TGFB3: variants seen among roughly 807,000 people sequenced by gnomAD.
TGFB3 encodes transforming growth factor beta 3.
TGFB3 carries 5 observed loss-of-function variants against 40.1 expected under a neutral mutation model. That is an observed-to-expected ratio of 0.12 (90% CI 0.07 to 0.26). TGFB3 has a LOEUF of 0.26. TGFB3 is among the 10% of genes least tolerant of loss of function. The probability of loss-of-function intolerance (pLI) is 1.00; values close to 1 mark genes in which losing one functional copy is unlikely to be tolerated. For missense variants in TGFB3, 373 were observed against 530.1 expected (o/e 0.70, Z 2.91); for synonymous variants, 184 against 205.6 (o/e 0.89, Z 0.90).
At chr14:75,962,274 C>T (rs1259711482) in intron 5 of TGFB3, among the ~76,000 whole-genome samples, 2 of 152,134 alleles carry the variant, frequency 1.3e-5, no homozygotes, top group Non-Finnish European at 2.9e-5. Context: ...TCGTTCCTAA[C>T]TGATAACTGA....
intron 3 of TGFB3, 26 bp from the exon 4 acceptor site, chr14:75,965,721 G>A (rs762082132): frequency 6.3e-7 from 1 of 1,583,906 alleles, no homozygotes; most frequent in Non-Finnish European, 8.7e-7. Flanking sequence ...GAATTAGTGA[G>A]AAAAGCACCT....
At position 75,980,825 on chromosome 14, in the gene TGFB3, A is replaced by G. The variant is rs1167977988; in HGVS notation, c.69T>C (p.Ser23=). 1 of 1,614,174 alleles carries G rather than the reference A, an allele frequency of 6.2e-7. No individual in the cohort carries two copies. Among genetic ancestry groups the G allele is most frequent in the Non-Finnish European group, 8.5e-7 (1 of 1,180,032 alleles). Residue 23 remains serine, a synonymous_variant, in exon 1 of 7, where the codon TCT becomes TCC. Coordinates refer to ENST00000238682, the MANE Select transcript of TGFB3 (RefSeq NM_003239.5). This position sits in a 1 kb window ranked among gnomAD's most constrained non-coding sequence, Gnocchi z 4.3. ...AGTCCAAGGTGGTGCAAGTGGACAG[A>G]GAGAGGCTGACCGTGGCAAAGTTCA... ...ALLNFATVSL[S]LSTCTTLDFG... is the part of the protein sequence containing the mutation.
chr14:75,972,729 C>T (rs1396252768), intron 1 of TGFB3, among the ~76,000 whole-genome samples: 1 of 152,148 alleles, frequency 6.6e-6, no homozygotes, highest in Non-Finnish European at 1.5e-5. Flanking sequence ...GATTGGGGTC[C>T]ACCTGTCAGA....
chr14:75,980,156 C>T lies in TGFB3; in HGVS notation c.352+386G>A, dbSNP rs1311612616. Among the ~76,000 whole-genome samples the T allele has an allele frequency of 6.6e-6, 1 of 152,206 alleles. No individual in the cohort carries two copies. The highest frequency in any genetic ancestry group is 1.5e-5 in the Non-Finnish European group (1 of 68,032). On this transcript the variant is annotated intron_variant, in intron 1 of 6. Transcript: ENST00000238682. This position sits in a 1 kb window ranked among gnomAD's most constrained non-coding sequence, Gnocchi z 4.3. Reference sequence around the variant, plus strand: ...CTCCACACTGAGAACCGTAAGGGCTCCTGACAGAGCCGGCCTTCCCCTTTA... The same window carrying T: ...CTCCACACTGAGAACCGTAAGGGCTTCTGACAGAGCCGGCCTTCCCCTTTA...
At chr14:75,968,404 G>T (rs1015921057) in intron 3 of TGFB3, among the ~76,000 whole-genome samples, 6 of 152,218 alleles carry the variant, frequency 3.9e-5, no homozygotes, top group Non-Finnish European at 5.9e-5. Flanking sequence ...CAGCTGTGGG[G>T]GTGGTGGGTG....
chr14:75,978,779 C>T lies in TGFB3; in HGVS notation c.352+1763G>A, dbSNP rs138047142. On this transcript the variant is annotated intron_variant, in intron 1 of 6. Coordinates refer to ENST00000238682, the MANE Select transcript of TGFB3 (RefSeq NM_003239.5). The surrounding 1 kb of genome is among the most constrained non-coding windows in gnomAD (Gnocchi z 5.0). ...ACTTGCACCTGCATGGCCTTGCCTCCACGTGGCTCATTCATTCTCAGCTCA... is the reference window on the plus strand; with the variant it reads ...ACTTGCACCTGCATGGCCTTGCCTCTACGTGGCTCATTCATTCTCAGCTCA... Among the ~76,000 whole-genome samples, 123 of 152,306 alleles carry T rather than the reference C, an allele frequency of 8.1e-4. No individual in the cohort carries two copies. The highest frequency in any genetic ancestry group is 2.9e-3 in the African/African-American group (121 of 41,566).
intron 3 of TGFB3, among the ~76,000 whole-genome samples, chr14:75,969,957 G>A (rs969344789): frequency 1.3e-5 from 2 of 152,154 alleles, no homozygotes; most frequent in African/African-American, 2.4e-5. Flanking sequence ...GGCTGCCGCC[G>A]TGGCTCCTAA....
At chr14:75,976,872 C>T (rs2035359374) in intron 1 of TGFB3, among the ~76,000 whole-genome samples, 2 of 152,174 alleles carry the variant, frequency 1.3e-5, no homozygotes, top group African/African-American at 4.8e-5. Flanking sequence ...AGAAAAGTTT[C>T]GCCCTAGTTC....
At chr14:75,968,707 G>A (rs3917184) in intron 3 of TGFB3, among the ~76,000 whole-genome samples, 155 of 152,296 alleles carry the variant, frequency 1.0e-3, no homozygotes, top group African/African-American at 3.6e-3. Context: ...TGCTCAGTAG[G>A]AGGGACAGGA....
chr14:75,971,483 C>T lies in TGFB3; in HGVS notation c.516+72G>A, dbSNP rs1326551702. 3 of 1,597,632 alleles carry T rather than the reference C, an allele frequency of 1.9e-6. No individual in the cohort carries two copies. Among genetic ancestry groups the T allele is most frequent in the Admixed American group, 1.7e-5 (1 of 58,478 alleles). On this transcript the variant is annotated intron_variant, in intron 2 of 6. Transcript: ENST00000238682. The surrounding 1 kb of genome is among the most constrained non-coding windows in gnomAD (Gnocchi z 4.5). Reference sequence around the variant, plus strand: ...ACCCAGGTCTGCCAAACGCTGCACCCAGTGGTGCCCTGATATGGCAAAGGA... The same window carrying T: ...ACCCAGGTCTGCCAAACGCTGCACCTAGTGGTGCCCTGATATGGCAAAGGA...
chr14:75,963,963 G>A (rs529875230), intron 4 of TGFB3, among the ~76,000 whole-genome samples: 2 of 152,256 alleles, frequency 1.3e-5, no homozygotes, highest in African/African-American at 4.8e-5. Flanking sequence ...TGCAACCTCT[G>A]CCTCCGGGGT....
chr14:75,973,897 T>C, intron 1 of TGFB3, among the ~76,000 whole-genome samples: 1 of 152,014 alleles, frequency 6.6e-6, no homozygotes, highest in East Asian at 1.9e-4. Context: ...ATCCCAGCAC[T>C]TCGGGAAGCC....
Position 75,971,748 on chromosome 14 carries a change from G to C in TGFB3, c.353-30C>G. 6.2e-7 allele frequency: 1 copy of C among 1,613,030 alleles called. No homozygotes were observed. The highest frequency in any genetic ancestry group is 2.2e-5 in the East Asian group (1 of 44,866). On this transcript the variant is annotated intron_variant, in intron 1 of 6. Coordinates refer to ENST00000238682, the MANE Select transcript of TGFB3 (RefSeq NM_003239.5). The surrounding 1 kb of genome is among the most constrained non-coding windows in gnomAD (Gnocchi z 4.5). ...GAGATAAAGCAGAGCAGAGGGCACA[G>C]CATGAGCGAGACATGCAGGAACAGT...
chr14:75,972,383 G>T (rs1332245267), intron 1 of TGFB3, among the ~76,000 whole-genome samples: 6 of 152,132 alleles, frequency 3.9e-5, no homozygotes, highest in Admixed American at 1.3e-4. Flanking sequence ...TCTAAGGGGG[G>T]GTATTAATAC....
chr14:75,969,440 A>C (rs947779758), intron 3 of TGFB3, among the ~76,000 whole-genome samples: 2 of 152,248 alleles, frequency 1.3e-5, no homozygotes, highest in Non-Finnish European at 2.9e-5. Flanking sequence ...CCAAAGTTCT[A>C]ATCCAGACTG....
chr14:75,968,823 T>C (rs898882030), intron 3 of TGFB3, among the ~76,000 whole-genome samples: 1 of 152,196 alleles, frequency 6.6e-6, no homozygotes, highest in Admixed American at 6.5e-5. Flanking sequence ...CTCATTTATG[T>C]GACTTGCCTG....
rs370919190 is a variant in TGFB3 at position 75,963,561 on chromosome 14, G to A, written c.755-74C>T. On this transcript the variant is annotated intron_variant, in intron 4 of 6. Transcript: ENST00000238682. ...CCCTTGGAGGCTGCCTCCTCCACACGCCCCATCACTGCCCAGGAGGAGGGG... is the reference window on the plus strand; with the variant it reads ...CCCTTGGAGGCTGCCTCCTCCACACACCCCATCACTGCCCAGGAGGAGGGG... 9.7e-4 allele frequency: 1,529 copies of A among 1,569,488 alleles called. 30 individuals carry two copies. In the South Asian group the frequency reaches 0.016, roughly 16 times the overall value.
chr14:75,970,776 C>T, intron 3 of TGFB3: 1 of 350,258 alleles, frequency 2.9e-6, no homozygotes, highest in South Asian at 2.2e-5. Context: ...CTTTGCTTAG[C>T]ACATCCCTTA....
chr14:75,959,382 A>C (rs368612367), intron 6 of TGFB3, 37 bp from the exon 7 acceptor site: 2 of 1,612,760 alleles, frequency 1.2e-6, no homozygotes, highest in African/African-American at 2.7e-5. Flanking sequence ...TTGGAAGGCC[A>C]AGTCTCAGGC....
Sources: gnomAD v4.1 joint callset for allele counts (sites outside exome capture counted in the v4.1 genomes callset) on GRCh38, gnomAD v4.1.1 for gene constraint, Gnocchi (gnomAD v3.1) non-coding constraint, MANE v1.5 for transcripts, NCBI Gene and HGNC (gene_info 2026-07-23, HGNC 2026-07-21) for gene names.